The following EPHB1 variants were observed in gnomAD, a reference collection of about 807,000 sequenced individuals.
The protein encoded by EPHB1 is ephrin type-B receptor 1.
Under a neutral mutation model 94.4 loss-of-function variants are expected in EPHB1, and 30 were observed. The ratio of observed to expected loss-of-function variants is 0.32; its 90% CI spans 0.24 to 0.43. EPHB1 has a LOEUF of 0.43. Among genes scored for constraint, EPHB1 ranks in the 20% least tolerant of loss-of-function variants. EPHB1 has a pLI of 1.00. For missense variants in EPHB1, 1,055 were observed against 1,308.3 expected, an observed-to-expected ratio of 0.81 and a Z score of 2.99; for synonymous variants, 522 against 489.1, an observed-to-expected ratio of 1.07 and a Z score of -0.89.
chr3:135,209,666 C>G (rs564769851), intron 12 of EPHB1, among the ~76,000 whole-genome samples: 1 of 152,286 alleles, frequency 6.6e-6, no homozygotes, highest in Admixed American at 6.5e-5. Context: ...TGATCCTTAA[C>G]AGGACATCTC....
chr3:134,808,666 G>A (rs2036113820), intron 1 of EPHB1, among the ~76,000 whole-genome samples: 1 of 152,164 alleles, frequency 6.6e-6, no homozygotes, highest in Non-Finnish European at 1.5e-5. Flanking sequence ...GAAAAGATGG[G>A]GAAACAGAAA....
In EPHB1 at chr3:135,089,875, G is replaced by A. The variant is rs144123884; in HGVS notation, c.806-16573G>A. 2.8e-3 allele frequency among the ~76,000 whole-genome samples: 432 copies of A among 152,248 alleles called. 2 individuals are homozygous for A. Among genetic ancestry groups the A allele is most frequent in the African/African-American group, 9.6e-3 (400 of 41,542 alleles). On this transcript the variant is annotated intron_variant, in intron 3 of 15. Coordinates refer to ENST00000398015, the MANE Select transcript of EPHB1 (RefSeq NM_004441.5). ...GCTCCTTCTCTAGGTTCTTCCTGAC[G>A]TGCTGAGCCTTCAGTTCAATGGCTT...
intron 1 of EPHB1, among the ~76,000 whole-genome samples, chr3:134,873,565 C>T (rs1370150199): frequency 6.6e-6 from 1 of 152,208 alleles, no homozygotes; most frequent in African/African-American, 2.4e-5. Flanking sequence ...TGTTAATTTA[C>T]AAGGTTCTTC....
At chr3:135,056,471 A>T (rs1937354167) in intron 3 of EPHB1, among the ~76,000 whole-genome samples, 1 of 152,190 alleles carries the variant, frequency 6.6e-6, no homozygotes, top group African/African-American at 2.4e-5. Context: ...GGCAAAGCTG[A>T]TGTGATGCTC....
intron 4 of EPHB1, among the ~76,000 whole-genome samples, chr3:135,122,005 C>G (rs985136502): frequency 6.6e-6 from 1 of 152,110 alleles, no homozygotes; most frequent in Non-Finnish European, 1.5e-5. Flanking sequence ...CTCCAAGTTC[C>G]CGTAGCACAA....
At chr3:134,964,352 A>G (rs1161144954) in intron 3 of EPHB1, among the ~76,000 whole-genome samples, 2 of 152,242 alleles carry the variant, frequency 1.3e-5, no homozygotes, top group Non-Finnish European at 2.9e-5. Context: ...GTGCACAAAC[A>G]TACAGAACAA....
chr3:134,979,494 C>T (rs908723046), intron 3 of EPHB1, among the ~76,000 whole-genome samples: 1 of 152,204 alleles, frequency 6.6e-6, no homozygotes, highest in Non-Finnish European at 1.5e-5. Flanking sequence ...AAGGGCTTCT[C>T]TCACTCCATT....
At chr3:135,191,185 C>A (rs185037890) in intron 10 of EPHB1, among the ~76,000 whole-genome samples, 4 of 151,982 alleles carry the variant, frequency 2.6e-5, no homozygotes, top group Non-Finnish European at 4.4e-5. Flanking sequence ...AACAGCCCCC[C>A]CAAAACACAT....
intron 3 of EPHB1, among the ~76,000 whole-genome samples, chr3:134,999,746 T>C (rs889499370): frequency 1.3e-5 from 2 of 152,198 alleles, no homozygotes; most frequent in African/African-American, 4.8e-5. Flanking sequence ...AGACATGTTA[T>C]GGGGCAGTAC....
intron 2 of EPHB1, among the ~76,000 whole-genome samples, chr3:134,940,553 G>A (rs764663206): frequency 2.0e-5 from 3 of 152,116 alleles, no homozygotes; most frequent in Non-Finnish European, 4.4e-5. Flanking sequence ...TCAGCAATGG[G>A]CCAGGCACCT....
intron 5 of EPHB1, 98 bp downstream of exon 5, chr3:135,133,147 A>T (rs1460771219): frequency 1.6e-6 from 2 of 1,227,692 alleles, no homozygotes; most frequent in Admixed American, 2.6e-5. Context: ...CTGCCCGTGT[A>T]CTGTCAGGCC....
chr3:134,822,450 C>T (rs2036400274), intron 1 of EPHB1, among the ~76,000 whole-genome samples: 1 of 152,154 alleles, frequency 6.6e-6, no homozygotes, highest in African/African-American at 2.4e-5. Context: ...GGGGCACTAA[C>T]CAACATATAT....
intron 15 of EPHB1, among the ~76,000 whole-genome samples, chr3:135,251,102 G>C (rs1282415084): frequency 6.6e-6 from 1 of 151,756 alleles, no homozygotes; most frequent in Non-Finnish European, 1.5e-5. Flanking sequence ...CAGGGAGATG[G>C]TTTGAATGTG....
chr3:134,807,848 A>G (rs984265217), intron 1 of EPHB1, among the ~76,000 whole-genome samples: 3 of 152,202 alleles, frequency 2.0e-5, no homozygotes, highest in Admixed American at 2.0e-4. Flanking sequence ...AGCAAGAGCC[A>G]CAGTGTGACA....
At chr3:134,980,925 G>A (rs917063658) in intron 3 of EPHB1, among the ~76,000 whole-genome samples, 1 of 152,166 alleles carries the variant, frequency 6.6e-6, no homozygotes, top group Non-Finnish European at 1.5e-5. Context: ...TTGTGAGTGA[G>A]GAGAAGCCAA....
intron 12 of EPHB1, among the ~76,000 whole-genome samples, chr3:135,222,962 A>G (rs1198801518): frequency 6.6e-6 from 1 of 152,194 alleles, no homozygotes; most frequent in East Asian, 1.9e-4. Flanking sequence ...TTATTGTGCA[A>G]TTTCGCAGAG....
intron 1 of EPHB1, among the ~76,000 whole-genome samples, chr3:134,805,857 C>A (rs2036033270): frequency 6.6e-6 from 1 of 152,154 alleles, no homozygotes; most frequent in African/African-American, 2.4e-5. Context: ...TGGGTGCCCT[C>A]ACAGCCGCCT....
intron 12 of EPHB1, among the ~76,000 whole-genome samples, chr3:135,211,969 G>C (rs1943043977): frequency 6.6e-6 from 1 of 152,020 alleles, no homozygotes; most frequent in Admixed American, 6.6e-5. Context: ...GTTATCTAGA[G>C]GGAGAAGTTT....
chr3:134,878,289 T>C (rs1031952689), intron 1 of EPHB1, among the ~76,000 whole-genome samples: 17 of 152,374 alleles, frequency 1.1e-4, no homozygotes, highest in African/African-American at 4.1e-4. Flanking sequence ...TAATTCATTT[T>C]CTTTATTCCA....
Sources: gnomAD v4.1 joint callset for allele counts (sites outside exome capture counted in the v4.1 genomes callset) on GRCh38, gnomAD v4.1.1 for gene constraint, MANE v1.5 for transcripts, NCBI Gene and HGNC (gene_info 2026-07-23, HGNC 2026-07-21) for gene names.